The following CEP83 variants were observed in gnomAD, a reference collection of about 807,000 sequenced individuals.
CEP83 encodes centrosomal protein of 83 kDa.
CEP83 carries 70 observed loss-of-function variants against 101.9 expected under a neutral mutation model. The observed-to-expected ratio is 0.69, with a 90% CI of 0.57 to 0.84. The LOEUF is 0.84. CEP83 is among the 40% of genes least tolerant of loss of function. The pLI, the probability that CEP83 is intolerant of heterozygous loss-of-function variation, is 0.00. For synonymous variants in CEP83, 264 were observed against 267.9 expected, an observed-to-expected ratio of 0.99 and a Z score of 0.14; for missense variants, 715 against 787.2, an observed-to-expected ratio of 0.91 and a Z score of 1.10.
At chr12:94,434,846 A>G (rs1283595201) in intron 2 of CEP83, among the ~76,000 whole-genome samples, 1 of 152,184 alleles carries the variant, frequency 6.6e-6, no homozygotes, top group Non-Finnish European at 1.5e-5. Flanking sequence ...GTATGCCTGC[A>G]TTTTGACTGC....
chr12:94,423,852 C>T (rs2064975650), intron 2 of CEP83: 1 of 1,612,808 alleles, frequency 6.2e-7, no homozygotes, highest in Non-Finnish European at 8.5e-7. Context: ...AAGGAAGGCA[C>T]AGGGGTGTAC....
Position 94,313,635 on chromosome 12 carries a change from G to A in CEP83, c.1708-618C>T, listed in dbSNP as rs145537758. On this transcript the variant is annotated intron_variant, in intron 14 of 16. Transcript: ENST00000397809. ...GGACAGATCACAAGGTCAAGAGATT[G>A]AGACCATCCTGACCAACATGGTAAA... 7.9e-4 allele frequency among the ~76,000 whole-genome samples: 119 copies of A among 151,400 alleles called. 1 individual carries two copies. The East Asian group carries it at 0.022, about 28-fold the overall frequency.
intron 11 of CEP83, among the ~76,000 whole-genome samples, chr12:94,354,442 T>G (rs1253826504): frequency 6.6e-6 from 1 of 152,122 alleles, no homozygotes; most frequent in African/African-American, 2.4e-5. Flanking sequence ...CACCTTGGTC[T>G]CCCAAAGTGC....
intron 1 of CEP83, among the ~76,000 whole-genome samples, chr12:94,456,260 C>CGA (rs1421200406): frequency 6.6e-6 from 1 of 152,158 alleles, no homozygotes; most frequent in Non-Finnish European, 1.5e-5. Context: ...GGGAAATTCT[C>CGA]AAATACTCAC....
At chr12:94,285,849 T>C in the CEP83 span, among the ~76,000 whole-genome samples, 2 of 152,160 alleles carry the variant, frequency 1.3e-5, no homozygotes, top group East Asian at 3.9e-4. Context: ...TCTGGTGCTG[T>C]TGACTGGAGT....
intron 7 of CEP83, among the ~76,000 whole-genome samples, chr12:94,376,615 C>T (rs994522908): frequency 1.3e-5 from 2 of 150,876 alleles, no homozygotes; most frequent in African/African-American, 4.9e-5. Flanking sequence ...ATCGATAGTA[C>T]TCTTTCATGA....
chr12:94,310,337 C>A (rs994283956), intron 15 of CEP83, among the ~76,000 whole-genome samples: 2 of 152,080 alleles, frequency 1.3e-5, no homozygotes, highest in Non-Finnish European at 2.9e-5. Context: ...GTTTTATTTG[C>A]TAATTAAAGA....
the CEP83 span, chr12:94,301,209 ATC>A: frequency 1.8e-6 from 1 of 548,480 alleles, no homozygotes; most frequent in Non-Finnish European, 3.0e-6. Context: ...GTTATTTAAA[ATC>A]TGTCTCATTA....
chr12:94,385,494 G>A (rs1254941227), intron 6 of CEP83, among the ~76,000 whole-genome samples: 1 of 152,106 alleles, frequency 6.6e-6, no homozygotes, highest in Non-Finnish European at 1.5e-5. Flanking sequence ...TATTACCCAG[G>A]TGAAGATGTC....
the CEP83 span, among the ~76,000 whole-genome samples, chr12:94,293,549 C>T: frequency 1.2e-4 from 18 of 152,190 alleles, no homozygotes; most frequent in Non-Finnish European, 2.6e-4. Flanking sequence ...TCCTGGTTTG[C>T]TGAGAGCCGT....
intron 16 of CEP83, among the ~76,000 whole-genome samples, chr12:94,309,499 G>T (rs2136272295): frequency 6.6e-6 from 1 of 152,228 alleles, no homozygotes; most frequent in African/African-American, 2.4e-5. Flanking sequence ...CCTTATCTAT[G>T]AATTAGGAAT....
rs145441262 is a variant in CEP83, at chr12:94,317,908, T to C, written c.1708-4891A>G. ...ATAGGATTGCTGTGGCTATTTGGACTCTTTTTTGGTTCCACATGAATTTTA... is the reference window on the plus strand; with the variant it reads ...ATAGGATTGCTGTGGCTATTTGGACCCTTTTTTGGTTCCACATGAATTTTA... On this transcript the variant is annotated intron_variant, in intron 14 of 16. Coordinates refer to ENST00000397809, the MANE Select transcript of CEP83 (RefSeq NM_016122.3). 6.2e-3 allele frequency among the ~76,000 whole-genome samples: 939 copies of C among 152,324 alleles called. 14 individuals carry two copies. The highest frequency in any genetic ancestry group is 0.022 in the African/African-American group (894 of 41,578).
At chr12:94,304,233 C>G (rs1968779170), downstream of CEP83, 3 of 503,302 alleles carry the variant, frequency 6.0e-6, no homozygotes, top group Non-Finnish European at 1.1e-5. Context: ...GCCCCCCTTA[C>G]AGTTTTATCA....
rs556451599 is a variant in CEP83 at position 94,355,265 on chromosome 12, G to A, written c.1343+12529C>T. Among the ~76,000 whole-genome samples the A allele has an allele frequency of 1.4e-4, 22 of 152,190 alleles. No individual in the cohort carries two copies. The East Asian group carries it at 1.7e-3, about 12-fold the overall frequency. Reference sequence around the variant, plus strand: ...TCTCAGCACTTTGGGAGGCCAAGGCGGGTGGATCACGAGGTCAGGAGATCG... The same window carrying A: ...TCTCAGCACTTTGGGAGGCCAAGGCAGGTGGATCACGAGGTCAGGAGATCG... On this transcript the variant is annotated intron_variant, in intron 11 of 16. Coordinates refer to ENST00000397809, the MANE Select transcript of CEP83 (RefSeq NM_016122.3).
At chr12:94,433,689 A>AG (rs1284429782) in intron 2 of CEP83, among the ~76,000 whole-genome samples, 1 of 152,048 alleles carries the variant, frequency 6.6e-6, no homozygotes, top group Non-Finnish European at 1.5e-5. Flanking sequence ...CTCAAAAAAA[A>AG]AAAAGAAAAG....
At chr12:94,282,385 C>A in the CEP83 span, 2 of 1,610,604 alleles carry the variant, frequency 1.2e-6, no homozygotes, top group Non-Finnish European at 1.7e-6. Flanking sequence ...AAGCTAAACA[C>A]CATTGGCCAC....
the CEP83 span, among the ~76,000 whole-genome samples, chr12:94,276,620 G>A: frequency 1.3e-5 from 2 of 152,206 alleles, no homozygotes; most frequent in Admixed American, 6.5e-5. Flanking sequence ...CAGCCCCTCT[G>A]TGCCTCAGTT....
the CEP83 span, among the ~76,000 whole-genome samples, chr12:94,278,981 G>C: frequency 7.4e-6 from 1 of 135,150 alleles, no homozygotes; most frequent in Non-Finnish European, 1.6e-5. Flanking sequence ...CTGGGTGACA[G>C]AGCAAGACTC....
intron 14 of CEP83, among the ~76,000 whole-genome samples, chr12:94,329,276 T>A (rs1011492597): frequency 1.3e-5 from 2 of 148,920 alleles, no homozygotes; most frequent in Non-Finnish European, 3.0e-5. Context: ...TTAATTATTA[T>A]TTTTTTTTGA....
Sources: allele counts gnomAD v4.1 joint callset (sites outside exome capture counted in the v4.1 genomes callset), GRCh38; gene constraint gnomAD v4.1.1; transcripts MANE v1.5; gene names NCBI Gene and HGNC (gene_info 2026-07-23, HGNC 2026-07-21).